Variants in CSMD3 observed in about 807,000 individuals in gnomAD.
CSMD3 encodes CUB and Sushi multiple domains 3, also known as CUB and sushi domain-containing protein 3.
CSMD3 carries 177 observed loss-of-function variants against 435.2 expected under a neutral mutation model. The observed-to-expected ratio is 0.41, with a 90% CI of 0.36 to 0.46. The LOEUF is 0.46. CSMD3 is among the 20% of genes least tolerant of loss of function. CSMD3 has a pLI of 0.34. For synonymous variants in CSMD3, 1,656 were observed against 1,520.5 expected (o/e 1.09, Z -2.07); for missense variants, 4,265 against 4,504.6 (o/e 0.95, Z 1.52).
chr8:113,288,494 A>T (rs958954945), intron 2 of CSMD3, among the ~76,000 whole-genome samples: 1 of 151,802 alleles, frequency 6.6e-6, no homozygotes, highest in Non-Finnish European at 1.5e-5. Flanking sequence ...AATACTTCAA[A>T]CCTTCTATAA....
chr8:112,516,932 C>G (rs1299382270), intron 28 of CSMD3, 102 bp downstream of exon 28: 2 of 866,366 alleles, frequency 2.3e-6, no homozygotes, highest in Non-Finnish European at 3.8e-6. Context: ...ATCTTAGACT[C>G]TCATATAGAA....
At chr8:112,609,808 G>C (rs947635161) in intron 22 of CSMD3, among the ~76,000 whole-genome samples, 1 of 152,042 alleles carries the variant, frequency 6.6e-6, no homozygotes, top group African/African-American at 2.4e-5. Context: ...TATATATATG[G>C]AATATTATTC....
chr8:112,836,627 T>C (rs1366883408), intron 11 of CSMD3, among the ~76,000 whole-genome samples: 1 of 151,884 alleles, frequency 6.6e-6, no homozygotes, highest in African/African-American at 2.4e-5. Context: ...TGTATTCAGC[T>C]ATTACAACCA....
intron 31 of CSMD3, among the ~76,000 whole-genome samples, chr8:112,486,710 C>A (rs896020003): frequency 6.6e-6 from 1 of 152,086 alleles, no homozygotes; most frequent in East Asian, 1.9e-4. Context: ...GTTTACATAT[C>A]ACTTTCATAA....
At chr8:112,915,951 C>T (rs1432928223) in intron 10 of CSMD3, among the ~76,000 whole-genome samples, 1 of 151,786 alleles carries the variant, frequency 6.6e-6, no homozygotes, top group African/African-American at 2.4e-5. Flanking sequence ...AGTCAATATA[C>T]TTCAGAATAT....
intron 41 of CSMD3, among the ~76,000 whole-genome samples, chr8:112,342,586 C>T (rs558031156): frequency 1.3e-5 from 2 of 151,906 alleles, no homozygotes; most frequent in South Asian, 2.1e-4. Flanking sequence ...GAAAGTGAGT[C>T]GCAGAGAAGT....
chr8:112,786,017 A>T (rs372883218), intron 13 of CSMD3, among the ~76,000 whole-genome samples: 28 of 152,266 alleles, frequency 1.8e-4, no homozygotes, highest in African/African-American at 6.5e-4. Flanking sequence ...ACATTACTTG[A>T]CTTCAAATTA....
chr8:112,608,081 A>T (rs766972325), intron 22 of CSMD3, among the ~76,000 whole-genome samples: 1 of 152,168 alleles, frequency 6.6e-6, no homozygotes, highest in Non-Finnish European at 1.5e-5. Flanking sequence ...CAAAACTGGT[A>T]GAACTAATAA....
intron 2 of CSMD3, among the ~76,000 whole-genome samples, chr8:113,280,096 A>G (rs2093602370): frequency 6.6e-6 from 1 of 151,796 alleles, no homozygotes; most frequent in Admixed American, 6.6e-5. Flanking sequence ...TTTCGCACCC[A>G]TGTTCATCAA....
chr8:112,732,821 C>T (rs1364221395), intron 13 of CSMD3, among the ~76,000 whole-genome samples: 2 of 151,930 alleles, frequency 1.3e-5, no homozygotes, highest in Non-Finnish European at 2.9e-5. Context: ...CTTCACTTGA[C>T]AGTAAAACTT....
chr8:113,333,301 A>G (rs1416089755), intron 1 of CSMD3, among the ~76,000 whole-genome samples: 1 of 151,720 alleles, frequency 6.6e-6, no homozygotes, highest in Non-Finnish European at 1.5e-5. Flanking sequence ...TCATGTCATC[A>G]CTTTGTCCTG....
intron 6 of CSMD3, among the ~76,000 whole-genome samples, chr8:112,998,529 C>T (rs188698389): frequency 1.6e-4 from 24 of 152,074 alleles, no homozygotes; most frequent in African/African-American, 5.5e-4. Flanking sequence ...TCTCTTCCCT[C>T]TTCACTAAAT....
Position 113,314,688 on chromosome 8 carries a change from A to T in CSMD3, c.284T>A (p.Ile95Lys), listed in dbSNP as rs2132670655. 1 of 1,612,144 alleles carries T rather than the reference A, an allele frequency of 6.2e-7. No homozygotes were observed. The change falls in exon 2 of 71, where the codon ATA becomes AAA. Residue 95 changes from isoleucine (I) to lysine (K), a missense_variant. Transcript: ENST00000297405. The part of the protein sequence containing the change: ...YPNGANCTWV[I>K]IAEERNRIQI... ...TATTCTATTTCGTTCTTCTGCTATT[A>T]TTACCCATGTGCAGTTTGCACCATT...
chr8:113,049,419 G>C (rs1253172168), intron 5 of CSMD3, among the ~76,000 whole-genome samples: 1 of 150,854 alleles, frequency 6.6e-6, no homozygotes, highest in Non-Finnish European at 1.5e-5. Flanking sequence ...AAAAAAAAGT[G>C]CTCAGGGCTT....
At chr8:112,349,675 T>A (rs1457004697) in intron 40 of CSMD3, among the ~76,000 whole-genome samples, 1 of 152,142 alleles carries the variant, frequency 6.6e-6, no homozygotes, top group Admixed American at 6.5e-5. Flanking sequence ...ATATATGAGG[T>A]AATTTTAAAA....
chr8:113,160,872 T>A (rs1326664390), intron 4 of CSMD3, among the ~76,000 whole-genome samples: 1 of 152,060 alleles, frequency 6.6e-6, no homozygotes, highest in African/African-American at 2.4e-5. Context: ...AAAGAAGTCA[T>A]CTGAAATATG....
At chr8:112,992,994 C>T (rs2085512473) in intron 6 of CSMD3, among the ~76,000 whole-genome samples, 1 of 151,824 alleles carries the variant, frequency 6.6e-6, no homozygotes, top group African/African-American at 2.4e-5. Flanking sequence ...TACAGAGCTT[C>T]TGCACTGGAA....
At chr8:112,269,170 C>A (rs984695579) in intron 59 of CSMD3, among the ~76,000 whole-genome samples, 2 of 152,140 alleles carry the variant, frequency 1.3e-5, no homozygotes. Flanking sequence ...TTTTTATCTG[C>A]GCTCAGTTTT....
intron 43 of CSMD3, 135 bp from the exon 44 acceptor site, chr8:112,336,964 T>G: frequency 1.3e-6 from 1 of 764,138 alleles, no homozygotes. Flanking sequence ...AGTTGAGGTA[T>G]GTATAATGAA....
Sources: gnomAD v4.1 joint callset for allele counts (sites outside exome capture counted in the v4.1 genomes callset) on GRCh38, gnomAD v4.1.1 for gene constraint, MANE v1.5 for transcripts, NCBI Gene and HGNC (gene_info 2026-07-23, HGNC 2026-07-21) for gene names.